Variants in MN1 observed in about 807,000 individuals in gnomAD.
The protein encoded by MN1 is transcriptional activator MN1.
In MN1, 19 loss-of-function variants were observed where a neutral mutation model predicts 86.9. The observed-to-expected ratio is 0.22, with a 90% CI of 0.15 to 0.32. The LOEUF (loss-of-function observed/expected upper bound fraction) is 0.32, where lower values mean the gene tolerates loss of function less well. Ranked by LOEUF, MN1 falls within the 10% of genes least tolerant of loss-of-function variation. MN1 has a pLI of 1.00. For missense variants in MN1, 1,841 were observed against 1,862.0 expected, an observed-to-expected ratio of 0.99 and a Z score of 0.21; for synonymous variants, 928 against 849.6, an observed-to-expected ratio of 1.09 and a Z score of -1.60.
At chr22:27,785,421 G>T (rs1933116182) in intron 1 of MN1, among the ~76,000 whole-genome samples, 1 of 152,132 alleles carries the variant, frequency 6.6e-6, no homozygotes, top group South Asian at 2.1e-4. Flanking sequence ...CACATCTTAC[G>T]CCTGGACGCC....
In MN1 at chr22:27,798,967, T is replaced by C. The variant is rs747461263; in HGVS notation, c.1577A>G (p.Gln526Arg). The C allele has an allele frequency of 2.5e-6, 4 of 1,600,840 alleles. No homozygotes were observed. In the East Asian group the frequency reaches 9.0e-5, roughly 36 times the overall value. Residue 526 changes from glutamine (Q) to arginine (R), a missense_variant, in exon 1 of 2, where the codon CAG becomes CGG. Transcript: ENST00000302326. ...APDHQSLQQQ[Q>R]QQQQQQQQQQ... ...CTGTTGCTGCTGCTGCTGCTGCTGC[T>C]GCTGCTGTTGCAGGGACTGGTGGTC...
intron 1 of MN1, among the ~76,000 whole-genome samples, chr22:27,771,412 T>C (rs903791255): frequency 2.6e-5 from 4 of 151,656 alleles, no homozygotes; most frequent in Non-Finnish European, 2.9e-5. Flanking sequence ...TAGAGGTTGG[T>C]AGGGGGGTCT....
chr22:27,800,164 C>A lies in MN1; in HGVS notation c.380G>T (p.Cys127Phe). Residue 127 changes from cysteine (C) to phenylalanine (F), a missense_variant, in exon 1 of 2, where the codon TGC (cysteine) becomes TTC (phenylalanine). Cys to Phe is a radical substitution (Grantham distance 205). Coordinates refer to ENST00000302326, the MANE Select transcript of MN1 (RefSeq NM_002430.3). ...NFGGPDPGAS[C>F]LHGGRLLGYG... ...GCCGAGCAGGCGACCCCCGTGCAGG[C>A]ACGAGGCCCCGGGGTCCGGGCCACC... 6.5e-7 allele frequency: 1 copy of A among 1,547,640 alleles called. No homozygotes were observed.
At position 27,748,922 on chromosome 22, in the gene MN1, CA is replaced by C. The variant is rs776317787; in HGVS notation, c.*1992del. 357 of 230,446 alleles carry C rather than the reference CA, an allele frequency of 1.5e-3. No homozygotes were observed. The highest frequency in any genetic ancestry group is 9.1e-3 in the Middle Eastern group (7 of 768). 14.3% of individuals were successfully genotyped at this position (230,446 alleles called of 1,614,324 possible). On this transcript the variant is annotated 3_prime_UTR_variant, in exon 2 of 2. Transcript: ENST00000302326. Reference sequence around the variant, plus strand: ...CTCAAACAGCTGTACACTGCAGAATCAGAGGGGTCATGGAGTCTTGCCCAGA... The same window carrying C: ...CTCAAACAGCTGTACACTGCAGAATCGAGGGGTCATGGAGTCTTGCCCAGA...
At chr22:27,782,916 A>C (rs1933073184) in intron 1 of MN1, among the ~76,000 whole-genome samples, 1 of 152,190 alleles carries the variant, frequency 6.6e-6, no homozygotes, top group Admixed American at 6.5e-5. Context: ...ATGAGGAAAG[A>C]AAGCTGGGAG....
intron 1 of MN1, among the ~76,000 whole-genome samples, chr22:27,767,509 G>A (rs1290559366): frequency 6.6e-6 from 1 of 152,104 alleles, no homozygotes; most frequent in African/African-American, 2.4e-5. Context: ...CGAAATGGAG[G>A]TGCCTGTAAT....
intron 1 of MN1, among the ~76,000 whole-genome samples, chr22:27,791,094 T>C (rs1459613620): frequency 6.6e-6 from 1 of 152,004 alleles, no homozygotes; most frequent in East Asian, 1.9e-4. Context: ...CATATGTATA[T>C]ATGCGGATGC....
chr22:27,781,875 T>C (rs553926689), intron 1 of MN1, among the ~76,000 whole-genome samples: 1 of 151,796 alleles, frequency 6.6e-6, no homozygotes, highest in Non-Finnish European at 1.5e-5. Context: ...CTCTCTCTCT[T>C]GCTCTTGCTA....
intron 1 of MN1, among the ~76,000 whole-genome samples, chr22:27,761,085 A>G (rs1932831447): frequency 6.6e-6 from 1 of 152,126 alleles, no homozygotes; most frequent in Admixed American, 6.5e-5. Context: ...TGTGGTTTTT[A>G]TCAAAGTTGC....
intron 1 of MN1, 41 bp downstream of exon 1, chr22:27,796,722 G>A (rs1340586343): frequency 4.6e-6 from 7 of 1,535,506 alleles, no homozygotes; most frequent in Non-Finnish European, 6.1e-6. Context: ...GGGATGGGGC[G>A]GGTCACCCGG....
At chr22:27,782,058 G>T (rs981827740) in intron 1 of MN1, among the ~76,000 whole-genome samples, 1 of 152,146 alleles carries the variant, frequency 6.6e-6, no homozygotes, top group African/African-American at 2.4e-5. Context: ...CCACAAGAAG[G>T]CTGACCATTA....
At chr22:27,787,814 A>C (rs1434508267) in intron 1 of MN1, among the ~76,000 whole-genome samples, 1 of 152,064 alleles carries the variant, frequency 6.6e-6, no homozygotes, top group African/African-American at 2.4e-5. Context: ...CTGGGTCCTG[A>C]CCTACCCAGG....
rs1568986817 is a variant in MN1 at position 27,800,723 on chromosome 22, C to T, written c.-180G>A. 1.1e-5 allele frequency: 8 copies of T among 698,120 alleles called. No homozygotes were observed. Among genetic ancestry groups the T allele is most frequent in the Non-Finnish European group, 1.9e-5 (8 of 422,792 alleles). 43.2% of individuals were successfully genotyped at this position (698,120 alleles called of 1,614,324 possible). A position where few individuals can be genotyped will look rare whatever the true frequency, so the allele number is the denominator to read the frequency against. The stretch of plus-strand genomic sequence containing the variant: ...GGGACGGGGGGCGGGGTATTAGCTC[C>T]TCTCCTGAAGCTCCGATTCTGCCCG... On this transcript the variant is annotated 5_prime_UTR_variant, in exon 1 of 2. Transcript: ENST00000302326.
chr22:27,763,277 C>G (rs898774534), intron 1 of MN1, among the ~76,000 whole-genome samples: 2 of 152,200 alleles, frequency 1.3e-5, no homozygotes, highest in Admixed American at 6.5e-5. Flanking sequence ...TGCCTCATCC[C>G]CCCCATCCAT....
Position 27,749,626 on chromosome 22 carries a change from A to G in MN1, c.*1289T>C, listed in dbSNP as rs1403981530. ...GGCTCTAGTTTTGCAACAGGGTGAG[A>G]TTCCAAAAAAATGTTGGGGAGGGGG... On this transcript the variant is annotated 3_prime_UTR_variant, in exon 2 of 2. Coordinates refer to ENST00000302326, the MANE Select transcript of MN1 (RefSeq NM_002430.3). 3.0e-5 allele frequency: 7 copies of G among 231,882 alleles called. No individual in the cohort carries two copies. The highest frequency in any genetic ancestry group is 6.0e-5 in the Non-Finnish European group (7 of 117,286). 14.4% of individuals were successfully genotyped at this position (231,882 alleles called of 1,614,324 possible).
chr22:27,760,716 AG>A (rs1054496912), intron 1 of MN1, among the ~76,000 whole-genome samples: 2 of 152,190 alleles, frequency 1.3e-5, no homozygotes, highest in African/African-American at 4.8e-5. Context: ...AGGCAGGCCC[AG>A]GGGACTAGCC....
At chr22:27,762,257 G>A (rs954435161) in intron 1 of MN1, among the ~76,000 whole-genome samples, 1 of 152,170 alleles carries the variant, frequency 6.6e-6, no homozygotes, top group African/African-American at 2.4e-5. Flanking sequence ...GGTGTTGCCC[G>A]CGTGCTTATG....
intron 1 of MN1, among the ~76,000 whole-genome samples, chr22:27,769,279 A>G (rs1423720814): frequency 6.6e-6 from 1 of 152,208 alleles, no homozygotes; most frequent in African/African-American, 2.4e-5. Context: ...AGCACTTGAT[A>G]TTGAATCTGT....
chr22:27,757,374 G>A (rs1478812154), intron 1 of MN1, among the ~76,000 whole-genome samples: 1 of 152,252 alleles, frequency 6.6e-6, no homozygotes, highest in Non-Finnish European at 1.5e-5. Context: ...GACAGAGCTA[G>A]AAGTGCCACG....
Sources: gnomAD v4.1 joint callset for allele counts (sites outside exome capture counted in the v4.1 genomes callset) on GRCh38, gnomAD v4.1.1 for gene constraint, MANE v1.5 for transcripts, NCBI Gene and HGNC (gene_info 2026-07-23, HGNC 2026-07-21) for gene names.